STARD9: variants seen among roughly 807,000 people sequenced by gnomAD.
STARD9 encodes the protein StAR related lipid transfer domain containing 9.
In STARD9, 346 loss-of-function variants were observed where a neutral mutation model predicts 399.8. The ratio of observed to expected loss-of-function variants is 0.87; its 90% CI spans 0.79 to 0.95. The LOEUF is 0.95. Ranked by LOEUF, STARD9 falls within the 40% of genes least tolerant of loss-of-function variation. The probability of loss-of-function intolerance (pLI) is 0.00; values close to 1 mark genes in which losing one functional copy is unlikely to be tolerated. For missense variants in STARD9, 5,832 were observed against 5,667.5 expected, an observed-to-expected ratio of 1.03 and a Z score of -0.93; for synonymous variants, 2,203 against 2,143.5, an observed-to-expected ratio of 1.03 and a Z score of -0.77.
intron 3 of STARD9, among the ~76,000 whole-genome samples, chr15:42,607,651 TACAC>T (rs10655556): frequency 0.017 from 2,375 of 143,748 alleles, 54 homozygotes; most frequent in African/African-American, 0.051. Context: ...CACACACTTA[TACAC>T]ACACACACAC....
intron 7 of STARD9, among the ~76,000 whole-genome samples, chr15:42,641,279 A>G (rs1028597360): frequency 6.6e-6 from 1 of 152,196 alleles, no homozygotes; most frequent in Non-Finnish European, 1.5e-5. Context: ...CCAATAAAAA[A>G]TCTCTTAGAT....
intron 3 of STARD9, among the ~76,000 whole-genome samples, chr15:42,603,471 G>A (rs1249161658): frequency 6.6e-6 from 1 of 152,064 alleles, no homozygotes; most frequent in East Asian, 1.9e-4. Flanking sequence ...AACAATTTGT[G>A]TCTTTGTTCT....
At chr15:42,589,663 G>A (rs2058356096) in intron 3 of STARD9, among the ~76,000 whole-genome samples, 1 of 151,230 alleles carries the variant, frequency 6.6e-6, no homozygotes, top group Admixed American at 6.6e-5. Flanking sequence ...CTGGAGCGCA[G>A]TGGTGCGATC....
rs1179830420 is a variant in STARD9 at position 42,691,245 on chromosome 15, G to A, written c.9667G>A (p.Gly3223Arg). 6.5e-7 allele frequency: 1 copy of A among 1,537,270 alleles called. No homozygotes were observed. Among genetic ancestry groups the A allele is most frequent in the Non-Finnish European group, 8.7e-7 (1 of 1,146,906 alleles). ...GCACAGAGACCAGGCTTCAGGTGGTGGAGAAGGCTTCGCCCAGGGTGTGAA... is the reference window on the plus strand; with the variant it reads ...GCACAGAGACCAGGCTTCAGGTGGTAGAGAAGGCTTCGCCCAGGGTGTGAA... ...EQHRDQASGG[G>R]EGFAQGVNPL... is the part of the protein sequence containing the mutation. Residue 3223 changes from glycine (G) to arginine (R), a missense_variant, in exon 23 of 33, where the codon GGA becomes AGA. Physicochemically the swap from Gly to Arg is moderately radical, Grantham distance 125 (BLOSUM62 -2). Coordinates refer to ENST00000290607, the MANE Select transcript of STARD9 (RefSeq NM_020759.3).
In STARD9 at chr15:42,661,150, T is replaced by C; in HGVS notation, c.703-8T>C. On this transcript the variant is annotated splice_polypyrimidine_tract_variant and splice_region_variant and intron_variant, in intron 9 of 32. Transcript: ENST00000290607. ...CAAATGACAGGCTTTAAATGTTTTCTCCTCTAGGCAATCCTGGAGAACAAC... is the reference window on the plus strand; with the variant it reads ...CAAATGACAGGCTTTAAATGTTTTCCCCTCTAGGCAATCCTGGAGAACAAC... 6.5e-7 allele frequency: 1 copy of C among 1,533,050 alleles called. No individual in the cohort carries two copies. The highest frequency in any genetic ancestry group is 1.2e-5 in the South Asian group (1 of 83,948). 95.0% of individuals were successfully genotyped at this position (1,533,050 alleles called of 1,614,324 possible).
intron 3 of STARD9, among the ~76,000 whole-genome samples, chr15:42,590,476 A>T (rs1185338443): frequency 6.6e-6 from 1 of 152,188 alleles, no homozygotes; most frequent in Non-Finnish European, 1.5e-5. Flanking sequence ...TGGAGGGAGT[A>T]TCTAAATATC....
At chr15:42,706,528 G>A (rs2061088272) in intron 26 of STARD9, among the ~76,000 whole-genome samples, 1 of 150,710 alleles carries the variant, frequency 6.6e-6, no homozygotes, top group Non-Finnish European at 1.5e-5. Flanking sequence ...TCGGCTCACT[G>A]CAACCTTCGC....
At chr15:42,637,833 G>T (rs2059447377) in intron 4 of STARD9, 74 bp from the exon 5 acceptor site, 1 of 1,456,056 alleles carries the variant, frequency 6.9e-7, no homozygotes. Context: ...TGCTGAGGAT[G>T]GTTCCTGGGT....
intron 4 of STARD9, among the ~76,000 whole-genome samples, chr15:42,635,260 C>CAAA (rs199906714): frequency 1.0e-5 from 1 of 99,962 alleles, no homozygotes; most frequent in East Asian, 2.8e-4. Flanking sequence ...AACTCCATCT[C>CAAA]AAAAAAAAAA....
intron 9 of STARD9, among the ~76,000 whole-genome samples, chr15:42,660,641 C>T (rs187100795): frequency 4.6e-5 from 7 of 151,322 alleles, no homozygotes; most frequent in East Asian, 3.9e-4. Context: ...ATAACAAAAC[C>T]GACATTGAAT....
At position 42,652,632 on chromosome 15, in the gene STARD9, C is replaced by T. The variant is rs747908797; in HGVS notation, c.702+40C>T. 3.0e-5 allele frequency: 44 copies of T among 1,488,102 alleles called. No individual in the cohort carries two copies. The East Asian group carries it at 9.6e-4, about 32-fold the overall frequency. The allele number at this position is 1,488,102 out of a possible 1,614,324, so 92.2% of individuals were successfully genotyped here. ...ATGTTTGGTGAGATTTCTTCCTCTC[C>T]TTGTACCTTTAAACCACTTTCTTGT... On this transcript the variant is annotated intron_variant, in intron 9 of 32. Coordinates refer to ENST00000290607, the MANE Select transcript of STARD9 (RefSeq NM_020759.3).
chr15:42,588,901 G>A (rs1471945578), intron 3 of STARD9, among the ~76,000 whole-genome samples: 1 of 141,674 alleles, frequency 7.1e-6, no homozygotes, highest in African/African-American at 2.6e-5. Flanking sequence ...TGCAACCTCC[G>A]CCTCCTGGGT....
rs1209121776 is a variant in STARD9 at position 42,610,865 on chromosome 15, A to G, written c.235-23991A>G. Among the ~76,000 whole-genome samples, 5 of 152,090 alleles carry G rather than the reference A, an allele frequency of 3.3e-5. No individual in the cohort carries two copies. The South Asian group carries it at 1.0e-3, about 32-fold the overall frequency. ...CCTGGCCCAAACTGATTCTTTCTTA[A>G]CTGATAGATTACTCACTGTTGAGTT... On this transcript the variant is annotated intron_variant, in intron 3 of 32. Coordinates refer to ENST00000290607, the MANE Select transcript of STARD9 (RefSeq NM_020759.3).
chr15:42,663,821 G>C lies in STARD9; in HGVS notation c.1080G>C (p.Thr360=). The C allele has an allele frequency of 6.5e-7, 1 of 1,534,512 alleles. No individual in the cohort carries two copies. The highest frequency in any genetic ancestry group is 8.7e-7 in the Non-Finnish European group (1 of 1,144,460). The change falls in exon 13 of 33, where the codon ACG becomes ACC. Residue 360 remains threonine, a splice_region_variant and synonymous_variant. Transcript: ENST00000290607. The part of the protein sequence containing the change: ...GGNSKTIMVA[T]VSPAHTSYSE... ...TTAAACTTTCTCCTTCTACCTCAGC[G>C]GTGTCTCCTGCACACACTAGCTACA...
At position 42,691,003 on chromosome 15, in the gene STARD9, AC is replaced by A; in HGVS notation, c.9426del (p.His3142GlnfsTer5). 3 of 1,537,258 alleles carry A rather than the reference AC, an allele frequency of 2.0e-6. No individual in the cohort carries two copies. The highest frequency in any genetic ancestry group is 1.7e-6 in the Non-Finnish European group (2 of 1,146,906). On this transcript the variant is annotated frameshift_variant, in exon 23 of 33. Transcript: ENST00000290607. LOFTEE classifies it high-confidence loss of function. ...PEPPATTQGPHTLDLSEGSAE... is the reference protein window; with the variant it reads ...PEPPATTQGPXTLDLSEGSAE... ...CCACCTGCAACAACTCAGGGACCAC[AC>A]ACCCTGGATTTAAGTGAAGGGTCTG...
intron 7 of STARD9, among the ~76,000 whole-genome samples, chr15:42,641,948 C>T (rs1416468043): frequency 6.6e-6 from 1 of 152,108 alleles, no homozygotes; most frequent in Non-Finnish European, 1.5e-5. Context: ...AGTATAGAAC[C>T]AGCCTTGGAA....
At chr15:42,678,795 G>T (rs1006920837) in intron 20 of STARD9, among the ~76,000 whole-genome samples, 7 of 152,212 alleles carry the variant, frequency 4.6e-5, no homozygotes, top group Non-Finnish European at 7.3e-5. Flanking sequence ...GCAGGTAAAT[G>T]AAGACTTGCC....
intron 7 of STARD9, among the ~76,000 whole-genome samples, chr15:42,645,173 TA>T (rs1410480034): frequency 6.6e-6 from 1 of 152,222 alleles, no homozygotes; most frequent in African/African-American, 2.4e-5. Flanking sequence ...TAATGCCATC[TA>T]AAACGGTGAA....
At chr15:42,662,501 C>T (rs945205029) in intron 10 of STARD9, among the ~76,000 whole-genome samples, 4 of 152,096 alleles carry the variant, frequency 2.6e-5, no homozygotes, top group Non-Finnish European at 4.4e-5. Context: ...ACCAAAAAGC[C>T]GTGCTAATAT....
Sources: gnomAD v4.1 joint callset for allele counts (sites outside exome capture counted in the v4.1 genomes callset) on GRCh38, gnomAD v4.1.1 for gene constraint, MANE v1.5 for transcripts, NCBI Gene and HGNC (gene_info 2026-07-23, HGNC 2026-07-21) for gene names.